CDK8: variants seen among roughly 807,000 people sequenced by gnomAD.
CDK8 encodes the protein cyclin-dependent kinase 8.
A neutral mutation model predicts 71.5 loss-of-function variants in CDK8; 29 were observed. The observed-to-expected ratio is 0.41, with a 90% CI of 0.30 to 0.55. CDK8 has a LOEUF of 0.55. Among genes scored for constraint, CDK8 ranks in the 20% least tolerant of loss-of-function variants. The pLI, the probability that CDK8 is intolerant of heterozygous loss-of-function variation, is 0.37. For synonymous variants in CDK8, 161 were observed against 192.1 expected (o/e 0.84, Z 1.34); for missense variants, 288 against 572.6 (o/e 0.50, Z 5.07).
intron 1 of CDK8, among the ~76,000 whole-genome samples, chr13:26,274,256 C>A (rs1425393122): frequency 3.3e-5 from 5 of 152,036 alleles, no homozygotes; most frequent in Non-Finnish European, 7.4e-5. Context: ...CCTCCTTGAT[C>A]AATAGTTTTA....
chr13:26,385,877 A>G (rs1322955402), intron 6 of CDK8, among the ~76,000 whole-genome samples: 1 of 152,186 alleles, frequency 6.6e-6, no homozygotes, highest in African/African-American at 2.4e-5. Context: ...AATCTTTGTA[A>G]TTAAATGGGA....
At chr13:26,340,992 T>C (rs947211458) in intron 2 of CDK8, among the ~76,000 whole-genome samples, 2 of 152,232 alleles carry the variant, frequency 1.3e-5, no homozygotes, top group African/African-American at 4.8e-5. Flanking sequence ...TAATTCCTAG[T>C]GTAGACATTT....
intron 1 of CDK8, among the ~76,000 whole-genome samples, chr13:26,262,683 A>G (rs1871824916): frequency 6.6e-6 from 1 of 152,236 alleles, no homozygotes; most frequent in South Asian, 2.1e-4. Flanking sequence ...ATACTTTGAA[A>G]ATGAACCCTT....
chr13:26,394,342 C>T (rs1875888119), intron 7 of CDK8, among the ~76,000 whole-genome samples: 1 of 152,150 alleles, frequency 6.6e-6, no homozygotes, highest in South Asian at 2.1e-4. Flanking sequence ...TCAGTAAATG[C>T]AGAATAACTA....
intron 1 of CDK8, among the ~76,000 whole-genome samples, chr13:26,287,878 A>G (rs545307827): frequency 1.3e-5 from 2 of 152,308 alleles, no homozygotes; most frequent in South Asian, 2.1e-4. Context: ...TATGTATCAG[A>G]TATTTTCTAC....
chr13:26,312,068 C>T (rs811087), intron 1 of CDK8, among the ~76,000 whole-genome samples: 142,608 of 152,194 alleles, frequency 0.94, 66,859 homozygotes, highest in East Asian at 0.99. Flanking sequence ...ACTTGGAGAA[C>T]TTTTCTGTCT....
intron 1 of CDK8, among the ~76,000 whole-genome samples, chr13:26,302,809 T>A (rs2137918603): frequency 6.6e-6 from 1 of 152,202 alleles, no homozygotes; most frequent in South Asian, 2.1e-4. Context: ...TCTATTGGGG[T>A]GTTTTATGGG....
intron 2 of CDK8, among the ~76,000 whole-genome samples, chr13:26,348,563 C>G (rs1873557030): frequency 6.6e-6 from 1 of 152,056 alleles, no homozygotes; most frequent in Non-Finnish European, 1.5e-5. Flanking sequence ...TGCCCCTTCC[C>G]CCAGCCCCCG....
chr13:26,371,064 G>A (rs747441188), intron 4 of CDK8, among the ~76,000 whole-genome samples: 6 of 151,904 alleles, frequency 3.9e-5, no homozygotes, highest in Admixed American at 6.6e-5. Flanking sequence ...AACTTCTTGC[G>A]GGCCTTATCC....
intron 1 of CDK8, among the ~76,000 whole-genome samples, chr13:26,287,752 TA>T (rs1008986802): frequency 2.0e-5 from 3 of 151,742 alleles, no homozygotes; most frequent in African/African-American, 4.8e-5. Context: ...CAAATAATTC[TA>T]AAAAAAAGTA....
chr13:26,308,499 C>G (rs1385877099), intron 1 of CDK8, among the ~76,000 whole-genome samples: 1 of 152,206 alleles, frequency 6.6e-6, no homozygotes, highest in Non-Finnish European at 1.5e-5. Context: ...TTGGCTGTTA[C>G]CAGCATTACA....
At chr13:26,348,980 G>A (rs894041048) in intron 2 of CDK8, 92 bp from the exon 3 acceptor site, 2 of 783,932 alleles carry the variant, frequency 2.6e-6, no homozygotes, top group Admixed American at 2.0e-5. Flanking sequence ...GTTTACCTGT[G>A]GGTTTGTATT....
At chr13:26,316,906 T>G (rs1280506267) in intron 1 of CDK8, among the ~76,000 whole-genome samples, 1 of 152,012 alleles carries the variant, frequency 6.6e-6, no homozygotes. Context: ...ACAGCTATCT[T>G]AAACATGCTT....
intron 1 of CDK8, among the ~76,000 whole-genome samples, chr13:26,259,590 T>G (rs902343248): frequency 6.6e-6 from 1 of 152,202 alleles, no homozygotes; most frequent in African/African-American, 2.4e-5. Flanking sequence ...TGTGTACTTC[T>G]TATTTCCATG....
rs2137843176 is a variant in CDK8 at position 26,254,867 on chromosome 13, C to A, written c.128+98C>A. The stretch of plus-strand genomic sequence containing the variant: ...GAGAGCGGGCCGCCGGGGTGCCGGG[C>A]TCTGACTTCCTCGACGCCGGCCTCT... On this transcript the variant is annotated intron_variant, in intron 1 of 12. Transcript: ENST00000381527. This position sits in a 1 kb window ranked among gnomAD's most constrained non-coding sequence, Gnocchi z 6.7. 1.3e-6 allele frequency: 2 copies of A among 1,497,630 alleles called. No individual in the cohort carries two copies. The highest frequency in any genetic ancestry group is 1.8e-6 in the Non-Finnish European group (2 of 1,109,352). The allele number at this position is 1,497,630 out of a possible 1,614,324, so 92.8% of individuals were successfully genotyped here. A position where few individuals can be genotyped will look rare whatever the true frequency, so the allele number is the denominator to read the frequency against.
At chr13:26,403,163 T>C (rs1449745741) in intron 12 of CDK8, among the ~76,000 whole-genome samples, 1 of 152,198 alleles carries the variant, frequency 6.6e-6, no homozygotes, top group Non-Finnish European at 1.5e-5. Flanking sequence ...TCCTTCTTAC[T>C]GTGGTTATAT....
At chr13:26,340,633 G>A (rs1873200143) in intron 2 of CDK8, among the ~76,000 whole-genome samples, 1 of 152,164 alleles carries the variant, frequency 6.6e-6, no homozygotes, top group Non-Finnish European at 1.5e-5. Context: ...CCTCGAAGAA[G>A]TTGTGCGTCC....
chr13:26,339,756 A>ATATATATATATATATATATAT (rs57119146), intron 2 of CDK8, among the ~76,000 whole-genome samples: 2 of 142,996 alleles, frequency 1.4e-5, no homozygotes, highest in African/African-American at 5.1e-5. Flanking sequence ...TTAAAAAAAA[A>ATATATATATATATATATATAT]ATATATATAT....
At chr13:26,396,209 C>T (rs1016228569) in intron 7 of CDK8, 76 bp from the exon 8 acceptor site, 11 of 557,820 alleles carry the variant, frequency 2.0e-5, no homozygotes, top group Admixed American at 6.8e-5. Flanking sequence ...ATGTAATGAA[C>T]GTGGTAATAA....
Sources: allele counts gnomAD v4.1 joint callset (sites outside exome capture counted in the v4.1 genomes callset), GRCh38; gene constraint gnomAD v4.1.1; non-coding constraint Gnocchi (gnomAD v3.1); transcripts MANE v1.5; gene names NCBI Gene and HGNC (gene_info 2026-07-23, HGNC 2026-07-21).